Variants in TCF4 observed in about 807,000 individuals in gnomAD.
The protein encoded by TCF4 is transcription factor 4.
TCF4 carries 3 observed loss-of-function variants against 82.1 expected under a neutral mutation model. The ratio of observed to expected loss-of-function variants is 0.04; its 90% CI spans 0.02 to 0.09. The LOEUF is 0.09. Among genes scored for constraint, TCF4 ranks in the 10% least tolerant of loss-of-function variants. The probability of loss-of-function intolerance (pLI) is 1.00; values close to 1 mark genes in which losing one functional copy is unlikely to be tolerated. For missense variants in TCF4, 518 were observed against 852.7 expected (o/e 0.61, Z 4.89); for synonymous variants, 276 against 309.6 (o/e 0.89, Z 1.14).
intron 8 of TCF4, among the ~76,000 whole-genome samples, chr18:55,295,375 T>C (rs2066225581): frequency 6.6e-6 from 1 of 152,214 alleles, no homozygotes; most frequent in African/African-American, 2.4e-5. Context: ...GAAAATTATC[T>C]TGCAATGCCT....
chr18:55,544,062 C>A (rs1263159028), intron 3 of TCF4, among the ~76,000 whole-genome samples: 1 of 152,004 alleles, frequency 6.6e-6, no homozygotes, highest in African/African-American at 2.4e-5. Context: ...CAAGTAAATG[C>A]AGAGATTATG....
At chr18:55,446,201 CAAGAG>C (rs1278190363) in intron 5 of TCF4, among the ~76,000 whole-genome samples, 2 of 151,978 alleles carry the variant, frequency 1.3e-5, no homozygotes, top group African/African-American at 4.8e-5. Context: ...GAAAGAAATG[CAAGAG>C]GAGAGGAAAA....
intron 15 of TCF4, among the ~76,000 whole-genome samples, chr18:55,236,911 T>G (rs191168958): frequency 6.6e-6 from 1 of 152,324 alleles, no homozygotes; most frequent in African/African-American, 2.4e-5. Flanking sequence ...AGAGGAGAAG[T>G]GTACTCCTAT....
At chr18:55,250,139 AAGTGGGTGG>A (rs2054564652) in intron 15 of TCF4, among the ~76,000 whole-genome samples, 1 of 152,202 alleles carries the variant, frequency 6.6e-6, no homozygotes, top group Non-Finnish European at 1.5e-5. Flanking sequence ...TTTGGAAGAA[AAGTGGGTGG>A]TTATAGTAAG....
At chr18:55,635,366 G>A (rs918318467) in intron 1 of TCF4, among the ~76,000 whole-genome samples, 27 of 152,120 alleles carry the variant, frequency 1.8e-4, no homozygotes, top group East Asian at 9.7e-4. Flanking sequence ...GAAGTTAGCC[G>A]GGCATTGTGG....
intron 3 of TCF4, among the ~76,000 whole-genome samples, chr18:55,498,917 G>A (rs1208852830): frequency 6.6e-6 from 1 of 152,072 alleles, no homozygotes; most frequent in East Asian, 1.9e-4. Context: ...TTAAATCCCT[G>A]TGGGCAGTTA....
At chr18:55,503,681 C>T (rs1167437646) in intron 3 of TCF4, among the ~76,000 whole-genome samples, 1 of 152,210 alleles carries the variant, frequency 6.6e-6, no homozygotes, top group East Asian at 1.9e-4. Context: ...TTATTCCTAA[C>T]ACATTCTTGG....
chr18:55,372,774 T>A (rs1286071287), intron 6 of TCF4, among the ~76,000 whole-genome samples: 2 of 151,954 alleles, frequency 1.3e-5, no homozygotes, highest in Non-Finnish European at 2.9e-5. Flanking sequence ...CATATCAACC[T>A]CAACATGAGA....
chr18:55,449,035 T>C (rs1175242791), intron 5 of TCF4, among the ~76,000 whole-genome samples: 1 of 152,210 alleles, frequency 6.6e-6, no homozygotes, highest in Non-Finnish European at 1.5e-5. Flanking sequence ...TATTTAGAAC[T>C]GTTTTATTTC....
intron 2 of TCF4, among the ~76,000 whole-genome samples, chr18:55,615,959 TG>T (rs1173631391): frequency 6.6e-6 from 1 of 152,134 alleles, no homozygotes; most frequent in East Asian, 1.9e-4. Context: ...TCTTTAGTTT[TG>T]TTTTTTTATT....
At position 55,403,820 on chromosome 18, in the gene TCF4, C is replaced by A. The variant is rs1321614447; in HGVS notation, c.305-302G>T. The A allele has an allele frequency of 2.7e-6, 4 of 1,496,534 alleles. No individual in the cohort carries two copies. In the African/African-American group the frequency reaches 4.2e-5, roughly 16 times the overall value. The allele number at this position is 1,496,534 out of a possible 1,614,324, so 92.7% of individuals were successfully genotyped here. On this transcript the variant is annotated intron_variant, in intron 5 of 19. Transcript: ENST00000354452. Reference sequence around the variant, plus strand: ...AACTCCTTATTTTCACTTTCTCTTGCACAAAATTTAAACAATTTCATTTTT... The same window carrying A: ...AACTCCTTATTTTCACTTTCTCTTGAACAAAATTTAAACAATTTCATTTTT...
At chr18:55,271,583 T>C (rs2060389311) in intron 10 of TCF4, among the ~76,000 whole-genome samples, 1 of 152,120 alleles carries the variant, frequency 6.6e-6, no homozygotes, top group Admixed American at 6.6e-5. Context: ...GTAAAAAAGT[T>C]GAGATGATGC....
At chr18:55,232,210 C>T (rs1187885773) in intron 17 of TCF4, 1 of 314,476 alleles carries the variant, frequency 3.2e-6, no homozygotes, top group Non-Finnish European at 6.0e-6. Flanking sequence ...ACATTTCTGA[C>T]CAAATTTGTA....
intron 5 of TCF4, among the ~76,000 whole-genome samples, chr18:55,459,004 A>G (rs765412360): frequency 3.9e-5 from 6 of 152,188 alleles, no homozygotes; most frequent in Non-Finnish European, 7.3e-5. Context: ...TGTAAACAAT[A>G]AAGAGCCATG....
At chr18:55,378,157 C>A (rs573910365) in intron 6 of TCF4, among the ~76,000 whole-genome samples, 1 of 152,204 alleles carries the variant, frequency 6.6e-6, no homozygotes, top group South Asian at 2.1e-4. Flanking sequence ...ATGAGTTGGA[C>A]CAAAATGAAA....
intron 5 of TCF4, among the ~76,000 whole-genome samples, chr18:55,435,905 A>G (rs2095319684): frequency 6.6e-6 from 1 of 152,220 alleles, no homozygotes; most frequent in South Asian, 2.1e-4. Context: ...GACAAAAAGC[A>G]ACTCCAAGTA....
chr18:55,617,665 T>C (rs965694355), intron 2 of TCF4, among the ~76,000 whole-genome samples: 48 of 152,136 alleles, frequency 3.2e-4, no homozygotes, highest in African/African-American at 1.1e-3. Flanking sequence ...TTATGTTTAT[T>C]TCTATTTTAT....
intron 8 of TCF4, among the ~76,000 whole-genome samples, chr18:55,330,573 T>C (rs535107938): frequency 1.1e-3 from 174 of 152,062 alleles, no homozygotes; most frequent in African/African-American, 4.1e-3. Flanking sequence ...CCACTACATT[T>C]TCTTTTTTTT....
intron 8 of TCF4, among the ~76,000 whole-genome samples, chr18:55,342,367 T>C (rs1211418149): frequency 6.6e-6 from 1 of 152,164 alleles, no homozygotes. Context: ...ATAAAATTCA[T>C]ATTAAGATAC....
Sources: gnomAD v4.1 joint callset for allele counts (sites outside exome capture counted in the v4.1 genomes callset) on GRCh38, gnomAD v4.1.1 for gene constraint, MANE v1.5 for transcripts, NCBI Gene and HGNC (gene_info 2026-07-23, HGNC 2026-07-21) for gene names.